The following FOXP2 variants were observed in gnomAD, a reference collection of about 807,000 sequenced individuals.
FOXP2 encodes the protein forkhead box protein P2.
Under a neutral mutation model 115.8 loss-of-function variants are expected in FOXP2, and 12 were observed. The observed-to-expected ratio is 0.10, with a 90% CI of 0.07 to 0.17. The LOEUF (loss-of-function observed/expected upper bound fraction) is 0.17. Among genes scored for constraint, FOXP2 ranks in the 10% least tolerant of loss-of-function variants. FOXP2 has a pLI of 1.00. For synonymous variants in FOXP2, 328 were observed against 297.7 expected, an observed-to-expected ratio of 1.10 and a Z score of -1.05; for missense variants, 629 against 843.5, an observed-to-expected ratio of 0.75 and a Z score of 3.15.
chr7:114,635,241 A>C (rs1434580171), intron 6 of FOXP2, among the ~76,000 whole-genome samples: 1 of 152,192 alleles, frequency 6.6e-6, no homozygotes, highest in Non-Finnish European at 1.5e-5. Context: ...TGCTTATGGA[A>C]GTCTAAGTAG....
chr7:114,252,228 A>T (rs572314689), intron 1 of FOXP2, among the ~76,000 whole-genome samples: 45 of 152,066 alleles, frequency 3.0e-4, no homozygotes, highest in African/African-American at 1.0e-3. Context: ...GTCGATATTT[A>T]TCAGGGATAT....
chr7:114,676,942 C>G (rs946159585), intron 16 of FOXP2, among the ~76,000 whole-genome samples: 1 of 151,858 alleles, frequency 6.6e-6, no homozygotes, highest in Non-Finnish European at 1.5e-5. Context: ...TGACATTTGT[C>G]ATAAATGAGG....
intron 2 of FOXP2, among the ~76,000 whole-genome samples, chr7:114,328,316 A>C (rs1242765154): frequency 6.8e-6 from 1 of 146,354 alleles, no homozygotes; most frequent in African/African-American, 2.6e-5. Flanking sequence ...GGCTCACTGC[A>C]AGCTCCGCCT....
At chr7:114,379,398 G>A (rs1018502116) in intron 2 of FOXP2, among the ~76,000 whole-genome samples, 1 of 152,160 alleles carries the variant, frequency 6.6e-6, no homozygotes, top group Admixed American at 6.5e-5. Flanking sequence ...AGGAAATCCA[G>A]CTAGTCCTGT....
At chr7:114,203,583 A>T (rs1279207142) in intron 1 of FOXP2, among the ~76,000 whole-genome samples, 2 of 152,104 alleles carry the variant, frequency 1.3e-5, no homozygotes, top group East Asian at 1.9e-4. Flanking sequence ...GGCTCAAGTG[A>T]TCCTCCCATC....
intron 2 of FOXP2, among the ~76,000 whole-genome samples, chr7:114,478,889 C>A (rs1040662420): frequency 6.6e-6 from 1 of 151,470 alleles, no homozygotes; most frequent in Admixed American, 6.6e-5. Context: ...GCTTCAGTAG[C>A]GTATTATATG....
chr7:114,577,383 C>A (rs1298150631), intron 3 of FOXP2, among the ~76,000 whole-genome samples: 1 of 151,942 alleles, frequency 6.6e-6, no homozygotes, highest in Non-Finnish European at 1.5e-5. Flanking sequence ...GCTATAATAA[C>A]TTTATGCATC....
chr7:114,391,575 T>C (rs1584689462), intron 2 of FOXP2, among the ~76,000 whole-genome samples: 1 of 152,212 alleles, frequency 6.6e-6, no homozygotes, highest in Non-Finnish European at 1.5e-5. Context: ...GAAACTGCCA[T>C]AGTGCCTGGC....
chr7:114,221,099 G>C (rs1034439479), intron 1 of FOXP2, among the ~76,000 whole-genome samples: 4 of 152,030 alleles, frequency 2.6e-5, no homozygotes, highest in African/African-American at 9.7e-5. Flanking sequence ...CCAATCTTTG[G>C]TTATTGAAGT....
intron 1 of FOXP2, among the ~76,000 whole-genome samples, chr7:114,179,352 A>G (rs936548446): frequency 5.9e-5 from 9 of 151,948 alleles, no homozygotes; most frequent in Admixed American, 3.9e-4. Flanking sequence ...GTTTATATGC[A>G]GATCCTTACC....
chr7:114,272,837 A>G (rs1796099612), intron 1 of FOXP2, among the ~76,000 whole-genome samples: 2 of 151,762 alleles, frequency 1.3e-5, no homozygotes, highest in Admixed American at 1.3e-4. Flanking sequence ...ACTTTTTTCT[A>G]TGGAGTCTGG....
At chr7:114,232,900 G>C (rs1794920720) in intron 1 of FOXP2, among the ~76,000 whole-genome samples, 1 of 151,996 alleles carries the variant, frequency 6.6e-6, no homozygotes, top group Non-Finnish European at 1.5e-5. Context: ...TATGCTAAAT[G>C]AAATAAATAA....
intron 1 of FOXP2, among the ~76,000 whole-genome samples, chr7:114,221,582 G>C (rs189464663): frequency 2.5e-4 from 38 of 151,846 alleles, no homozygotes; most frequent in Non-Finnish European, 4.9e-4. Context: ...CAGCCATTGG[G>C]TGACATTCTC....
chr7:114,677,188 A>T (rs1309715389), intron 16 of FOXP2, among the ~76,000 whole-genome samples: 1 of 149,076 alleles, frequency 6.7e-6, no homozygotes, highest in Non-Finnish European at 1.5e-5. Flanking sequence ...AAAAAAAAAC[A>T]AAAAAAACAA....
chr7:114,664,539 A>G, intron 16 of FOXP2, 103 bp downstream of exon 16: 1 of 1,385,910 alleles, frequency 7.2e-7, no homozygotes, highest in Non-Finnish European at 9.9e-7. Flanking sequence ...AGTTGAAAAT[A>G]CAAATTTAAG....
chr7:114,217,500 T>C (rs1489355954), intron 1 of FOXP2, among the ~76,000 whole-genome samples: 1 of 152,216 alleles, frequency 6.6e-6, no homozygotes, highest in Non-Finnish European at 1.5e-5. Context: ...GAGACACTTT[T>C]TTTTTTCCTA....
chr7:114,531,938 T>C (rs1332675659), intron 2 of FOXP2, among the ~76,000 whole-genome samples: 1 of 151,916 alleles, frequency 6.6e-6, no homozygotes, highest in East Asian at 1.9e-4. Context: ...ATTACATGGG[T>C]TATGTTGAAT....
chr7:114,271,870 A>C (rs1421781573), intron 1 of FOXP2, among the ~76,000 whole-genome samples: 1 of 125,602 alleles, frequency 8.0e-6, no homozygotes, highest in Non-Finnish European at 1.6e-5. Flanking sequence ...AAACATTATA[A>C]TATGATTATT....
At chr7:114,101,267 A>T (rs1243330530) in intron 1 of FOXP2, among the ~76,000 whole-genome samples, 1 of 152,156 alleles carries the variant, frequency 6.6e-6, no homozygotes, top group East Asian at 1.9e-4. Context: ...TTTAGACAAA[A>T]GATAGTCCAG....
Sources: allele counts gnomAD v4.1 joint callset (sites outside exome capture counted in the v4.1 genomes callset), GRCh38; gene constraint gnomAD v4.1.1; transcripts MANE v1.5; gene names NCBI Gene and HGNC (gene_info 2026-07-23, HGNC 2026-07-21).